DRG2: variants seen among roughly 807,000 people sequenced by gnomAD.
DRG2 encodes developmentally regulated GTP binding protein 2, also known as developmentally-regulated GTP-binding protein 2.
Under a neutral mutation model 53.4 loss-of-function variants are expected in DRG2, and 36 were observed. That is an observed-to-expected ratio of 0.67 (90% CI 0.52 to 0.89). The LOEUF (loss-of-function observed/expected upper bound fraction) is 0.89, where lower values mean the gene tolerates loss of function less well. Ranked by LOEUF, DRG2 falls within the 40% of genes least tolerant of loss-of-function variation. The pLI is 0.00. For synonymous variants in DRG2, 167 were observed against 192.1 expected, an observed-to-expected ratio of 0.87 and a Z score of 1.08; for missense variants, 342 against 481.2, an observed-to-expected ratio of 0.71 and a Z score of 2.71.
chr17:18,088,717 G>A (rs754619760), intron 1 of DRG2, among the ~76,000 whole-genome samples: 1 of 152,224 alleles, frequency 6.6e-6, no homozygotes, highest in Non-Finnish European at 1.5e-5. Context: ...TGAGCACTCA[G>A]TATTTAAAGT....
chr17:18,092,533 TTC>T (rs1331085641), intron 1 of DRG2, among the ~76,000 whole-genome samples: 2 of 152,018 alleles, frequency 1.3e-5, no homozygotes, highest in East Asian at 3.9e-4. Flanking sequence ...AGGGTCCTGG[TTC>T]TCAGTCTCAA....
chr17:18,100,695 C>T lies in DRG2; in HGVS notation c.631+36C>T. 6.3e-7 allele frequency: 1 copy of T among 1,583,326 alleles called. No homozygotes were observed. Among genetic ancestry groups the T allele is most frequent in the Non-Finnish European group, 8.6e-7 (1 of 1,162,420 alleles). Reference sequence around the variant, plus strand: ...CTGAAAGACACGTGAAGGAGGGCAGCCACCACCGTCAGCGCAGCGGGGGGA... The same window carrying T: ...CTGAAAGACACGTGAAGGAGGGCAGTCACCACCGTCAGCGCAGCGGGGGGA... On this transcript the variant is annotated intron_variant, in intron 7 of 12. Coordinates refer to ENST00000225729, the MANE Select transcript of DRG2 (RefSeq NM_001388.5). This position sits in a 1 kb window ranked among gnomAD's most constrained non-coding sequence, Gnocchi z 4.1.
chr17:18,096,050 T>C (rs2045428833), intron 2 of DRG2: 1 of 152,218 alleles, frequency 6.6e-6, no homozygotes, highest in Non-Finnish European at 1.5e-5. Context: ...CCAATGTTTT[T>C]CTCGTGGTTA....
At chr17:18,106,566 C>T in intron 12 of DRG2, 80 bp downstream of exon 12, 2 of 1,499,964 alleles carry the variant, frequency 1.3e-6, no homozygotes, top group South Asian at 1.1e-5. Context: ...GGCATTCACA[C>T]TCTCTGCGTG....
Position 18,099,555 on chromosome 17 carries a change from C to T in DRG2, c.377-78C>T. 1.4e-6 allele frequency: 2 copies of T among 1,449,580 alleles called. No homozygotes were observed. The highest frequency in any genetic ancestry group is 1.2e-5 in the South Asian group (1 of 81,960). 89.8% of individuals were successfully genotyped at this position (1,449,580 alleles called of 1,614,324 possible). On this transcript the variant is annotated intron_variant, in intron 4 of 12. Transcript: ENST00000225729. This position sits in a 1 kb window ranked among gnomAD's most constrained non-coding sequence, Gnocchi z 4.4. ...GAGGCTGTGGTAGGTCTGTAAAGGA[C>T]AGGAGTCCAGGGCGCCGTGGGCTGG...
chr17:18,107,644 C>T lies in DRG2; in HGVS notation c.*404C>T, dbSNP rs1423461173. ...CTGTGGCTGCTGTCATGGCACCTCA[C>T]TCCCTCAGCTCTTGCCAGCTTCTCT... On this transcript the variant is annotated 3_prime_UTR_variant, in exon 13 of 13. Coordinates refer to ENST00000225729, the MANE Select transcript of DRG2 (RefSeq NM_001388.5). 2 of 209,006 alleles carry T rather than the reference C, an allele frequency of 9.6e-6. No homozygotes were observed. The highest frequency in any genetic ancestry group is 4.5e-5 in the African/African-American group (2 of 44,104). The allele number at this position is 209,006 out of a possible 1,614,324, so 12.9% of individuals were successfully genotyped here. A position where few individuals can be genotyped will look rare whatever the true frequency, so the allele number is the denominator to read the frequency against.
chr17:18,107,097 C>T (rs2045654279), intron 12 of DRG2, 57 bp from the exon 13 acceptor site: 5 of 1,536,958 alleles, frequency 3.3e-6, no homozygotes, highest in Non-Finnish European at 3.6e-6. Context: ...GGGATATCTT[C>T]CTTGACCTTG....
chr17:18,088,599 C>T (rs2045258963), intron 1 of DRG2, among the ~76,000 whole-genome samples: 1 of 152,234 alleles, frequency 6.6e-6, no homozygotes, highest in African/African-American at 2.4e-5. Context: ...CACTTCATTT[C>T]TTGGAGTCTC....
intron 1 of DRG2, among the ~76,000 whole-genome samples, chr17:18,088,448 G>A (rs2045255511): frequency 6.6e-6 from 1 of 152,248 alleles, no homozygotes; most frequent in South Asian, 2.1e-4. Context: ...GTTTTGGGAA[G>A]TGCAAGAGGA....
chr17:18,100,171 T>C lies in DRG2; in HGVS notation c.468-192T>C, dbSNP rs114197067. On this transcript the variant is annotated intron_variant, in intron 5 of 12. Transcript: ENST00000225729. This position sits in a 1 kb window ranked among gnomAD's most constrained non-coding sequence, Gnocchi z 4.1. Reference sequence around the variant, plus strand: ...GACCGTAAACCGGGCCAGTCCCCTCTGGGACTGTGGCAGAGTTTAGAAGTT... The same window carrying C: ...GACCGTAAACCGGGCCAGTCCCCTCCGGGACTGTGGCAGAGTTTAGAAGTT... 2,113 of 648,454 alleles carry C rather than the reference T, an allele frequency of 3.3e-3. 37 individuals carry two copies. In the African/African-American group the frequency reaches 0.035, roughly 11 times the overall value. The allele number at this position is 648,454 out of a possible 1,614,324, so 40.2% of individuals were successfully genotyped here. A position where few individuals can be genotyped will look rare whatever the true frequency, so the allele number is the denominator to read the frequency against.
Position 18,104,000 on chromosome 17 carries a change from C to A in DRG2, c.895+111C>A. 1 of 1,000,610 alleles carries A rather than the reference C, an allele frequency of 1.0e-6. No individual in the cohort carries two copies. Among genetic ancestry groups the A allele is most frequent in the Non-Finnish European group, 1.5e-6 (1 of 647,094 alleles). The allele number at this position is 1,000,610 out of a possible 1,614,324, so 62.0% of individuals were successfully genotyped here. A position where few individuals can be genotyped will look rare whatever the true frequency, so the allele number is the denominator to read the frequency against. ...CAGCACCGGCTCTGGCCTGGCTTGT[C>A]TAGACACACCTCAGCTCTTTTCCCT... On this transcript the variant is annotated intron_variant, in intron 10 of 12. Transcript: ENST00000225729. This position sits in a 1 kb window ranked among gnomAD's most constrained non-coding sequence, Gnocchi z 4.4.
intron 2 of DRG2, chr17:18,097,854 ACCT>A (rs2045459604): frequency 1.3e-5 from 2 of 155,690 alleles, no homozygotes; most frequent in African/African-American, 4.8e-5. Context: ...CTCCTTGCAC[ACCT>A]CCTTACACCC....
chr17:18,101,822 C>T (rs2045542694), intron 8 of DRG2, 99 bp from the exon 9 acceptor site: 2 of 1,399,270 alleles, frequency 1.4e-6, no homozygotes, highest in Non-Finnish European at 2.0e-6. Flanking sequence ...AGACTCAGCT[C>T]TCCAAGGAAG....
At chr17:18,094,040 C>A in intron 2 of DRG2, 67 bp downstream of exon 2, 1 of 1,561,596 alleles carries the variant, frequency 6.4e-7, no homozygotes. Flanking sequence ...AGGTGACCAT[C>A]CAGGCTCCCC....
chr17:18,106,205 C>A (rs1257258007), intron 11 of DRG2: 1 of 578,018 alleles, frequency 1.7e-6, no homozygotes, highest in African/African-American at 1.9e-5. Context: ...CTATGCACCA[C>A]AGCTGGCAGA....
chr17:18,098,084 C>G lies in DRG2; in HGVS notation c.226-186C>G, dbSNP rs556131568. On this transcript the variant is annotated intron_variant, in intron 2 of 12. Transcript: ENST00000225729. The surrounding 1 kb of genome is among the most constrained non-coding windows in gnomAD (Gnocchi z 4.1). ...AACAGATGGGCCTCTGGTGTCTGAC[C>G]CATCCAGGACAGGGCCAGAGGTGAG... The G allele has an allele frequency of 1.1e-5, 6 of 559,010 alleles. No homozygotes were observed. Among genetic ancestry groups the G allele is most frequent in the Admixed American group, 5.6e-5 (2 of 35,730 alleles). 34.6% of individuals were successfully genotyped at this position (559,010 alleles called of 1,614,324 possible).
Position 18,098,370 on chromosome 17 carries a change from G to A in DRG2, c.315+11G>A, listed in dbSNP as rs371604843. On this transcript the variant is annotated intron_variant, in intron 3 of 12. Transcript: ENST00000225729. This position sits in a 1 kb window ranked among gnomAD's most constrained non-coding sequence, Gnocchi z 4.1. ...CCTGGGGTCATTGAAGTAAGTGGGTGTGCTGGGCCCAGAAGGAGAAGGGGC... is the reference window on the plus strand; with the variant it reads ...CCTGGGGTCATTGAAGTAAGTGGGTATGCTGGGCCCAGAAGGAGAAGGGGC... 4.3e-6 allele frequency: 7 copies of A among 1,612,852 alleles called. No homozygotes were observed. Among genetic ancestry groups the A allele is most frequent in the Non-Finnish European group, 5.9e-6 (7 of 1,178,896 alleles).
Position 18,093,972 on chromosome 17 carries a change from A to G in DRG2, c.224A>G (p.Lys75Arg), listed in dbSNP as rs749867561. ...VALIGFPSVG[K>R]STFLSLMTST... is the part of the protein sequence containing the mutation. ...CTGATTGGATTTCCCTCTGTGGGTA[A>G]GGTCAGTGATGGTCAGTGTGGGCCT... Residue 75 changes from lysine (K) to arginine (R), a missense_variant and splice_region_variant, in exon 2 of 13, where the codon AAG becomes AGG. Lys to Arg is a conservative substitution (Grantham distance 26). Transcript: ENST00000225729. 3.7e-6 allele frequency: 6 copies of G among 1,613,642 alleles called. No individual in the cohort carries two copies.
chr17:18,099,329 T>C lies in DRG2; in HGVS notation c.376+252T>C. The C allele has an allele frequency of 1.6e-6, 1 of 609,914 alleles. No homozygotes were observed. Among genetic ancestry groups the C allele is most frequent in the South Asian group, 2.0e-5 (1 of 50,378 alleles). The allele number at this position is 609,914 out of a possible 1,614,324, so 37.8% of individuals were successfully genotyped here. ...GCATAATAATACATAATTTACAGCA[T>C]AGTTTTGAGGATTAAGTGAGGAAAT... On this transcript the variant is annotated intron_variant, in intron 4 of 12. Transcript: ENST00000225729. This position sits in a 1 kb window ranked among gnomAD's most constrained non-coding sequence, Gnocchi z 4.4.
Sources: gnomAD v4.1 joint callset for allele counts (sites outside exome capture counted in the v4.1 genomes callset) on GRCh38, gnomAD v4.1.1 for gene constraint, Gnocchi (gnomAD v3.1) non-coding constraint, MANE v1.5 for transcripts, NCBI Gene and HGNC (gene_info 2026-07-23, HGNC 2026-07-21) for gene names.